VPS13D: variants seen among roughly 807,000 people sequenced by gnomAD.
The protein encoded by VPS13D is vacuolar protein sorting 13 homolog D, also known as intermembrane lipid transfer protein VPS13D.
In VPS13D, 187 loss-of-function variants were observed where a neutral mutation model predicts 461.9. That is an observed-to-expected ratio of 0.40 (90% CI 0.36 to 0.46). VPS13D has a LOEUF of 0.46. VPS13D is among the 20% of genes least tolerant of loss of function. The pLI, the probability that VPS13D is intolerant of heterozygous loss-of-function variation, is 0.60. For synonymous variants in VPS13D, 1,951 were observed against 1,986.3 expected (o/e 0.98, Z 0.47); for missense variants, 4,711 against 5,364.9 (o/e 0.88, Z 3.81).
chr1:12,475,412 C>T (rs904580931), intron 67 of VPS13D, among the ~76,000 whole-genome samples: 8 of 152,148 alleles, frequency 5.3e-5, no homozygotes, highest in African/African-American at 1.9e-4. Context: ...AGCTCCCTTC[C>T]TAGGGCTGGC....
chr1:12,416,897 T>C, intron 65 of VPS13D, 70 bp downstream of exon 65: 1 of 1,452,818 alleles, frequency 6.9e-7, no homozygotes, highest in South Asian at 1.5e-5. Context: ...CAATTTCTTT[T>C]ATAGTTAATG....
intron 27 of VPS13D, among the ~76,000 whole-genome samples, chr1:12,309,444 C>T (rs1216025686): frequency 4.6e-5 from 7 of 151,428 alleles, no homozygotes; most frequent in African/African-American, 1.5e-4. Context: ...CTCTTGACCT[C>T]GTGATCCACC....
chr1:12,421,251 C>G (rs949514625), intron 65 of VPS13D, among the ~76,000 whole-genome samples: 2 of 152,226 alleles, frequency 1.3e-5, no homozygotes, highest in African/African-American at 2.4e-5. Context: ...CAAGATGACT[C>G]TAGCCCTTAG....
intron 46 of VPS13D, among the ~76,000 whole-genome samples, chr1:12,353,667 A>C (rs1047258762): frequency 3.3e-5 from 5 of 152,052 alleles, no homozygotes; most frequent in Admixed American, 1.3e-4. Flanking sequence ...TGCCTGAATG[A>C]TGGAGGAGAA....
Position 12,291,049 on chromosome 1 carries a change from T to A in VPS13D, c.5777T>A (p.Leu1926His), listed in dbSNP as rs756089756. Reference protein sequence around the residue: ...GSIGSLSLSDLTCHGEFYRER... With the variant: ...GSIGSLSLSDHTCHGEFYRER... Reference sequence around the variant, plus strand: ...ATTGGGAGTCTGTCTCTAAGTGACCTCACATGCCATGGAGAGTTCTACAGA... The same window carrying A: ...ATTGGGAGTCTGTCTCTAAGTGACCACACATGCCATGGAGAGTTCTACAGA... The change falls in exon 23 of 70, where the codon CTC becomes CAC. Residue 1926 changes from leucine (L) to histidine (H), a missense_variant. Physicochemically the swap from Leu to His is moderately conservative, Grantham distance 99 (BLOSUM62 -3). This residue lies in a region of VPS13D where 4,411 missense variants were observed against 4,937.8 expected (regional missense o/e 0.89). Coordinates refer to ENST00000620676, the MANE Select transcript of VPS13D (RefSeq NM_015378.4). 6.2e-7 allele frequency: 1 copy of A among 1,613,970 alleles called. No individual in the cohort carries two copies. The highest frequency in any genetic ancestry group is 8.5e-7 in the Non-Finnish European group (1 of 1,179,992).
rs1454078260 is a variant in VPS13D, at chr1:12,507,778, C to T, written c.13035+685C>T. 9.2e-5 allele frequency among the ~76,000 whole-genome samples: 14 copies of T among 152,190 alleles called. No homozygotes were observed. Among genetic ancestry groups the T allele is most frequent in the Admixed American group, 7.2e-4 (11 of 15,288 alleles). ...ACCTTGAGGAGCCGGGGTTCAAATC[C>T]GAGTGGCTTGGCACCAGAGCTGGCT... is the stretch of plus-strand genomic sequence containing the variant. On this transcript the variant is annotated intron_variant, in intron 69 of 69. Coordinates refer to ENST00000620676, the MANE Select transcript of VPS13D (RefSeq NM_015378.4). The surrounding 1 kb of genome is among the most constrained non-coding windows in gnomAD (Gnocchi z 5.3).
intron 20 of VPS13D, among the ~76,000 whole-genome samples, chr1:12,281,997 C>T (rs1241573295): frequency 6.6e-6 from 1 of 151,922 alleles, no homozygotes; most frequent in African/African-American, 2.4e-5. Context: ...AAGCGGTCCT[C>T]CCACCTCTGC....
At chr1:12,456,417 C>A (rs1285155356) in intron 66 of VPS13D, among the ~76,000 whole-genome samples, 1 of 151,720 alleles carries the variant, frequency 6.6e-6, no homozygotes, top group Admixed American at 6.6e-5. Context: ...GCGGGTGGAT[C>A]ATTTGAGGTC....
intron 65 of VPS13D, 41 bp downstream of exon 65, chr1:12,416,868 C>T (rs747229656): frequency 2.8e-5 from 44 of 1,576,812 alleles, no homozygotes; most frequent in South Asian, 1.7e-4. Flanking sequence ...ATTAACCTCA[C>T]GAGTCCTCTA....
At chr1:12,251,347 G>A (rs1640725175) in intron 6 of VPS13D, among the ~76,000 whole-genome samples, 1 of 152,202 alleles carries the variant, frequency 6.6e-6, no homozygotes, top group Non-Finnish European at 1.5e-5. Flanking sequence ...TTCTGACAAA[G>A]CATCTCAAAC....
intron 67 of VPS13D, among the ~76,000 whole-genome samples, chr1:12,465,906 G>C (rs1283123890): frequency 1.3e-5 from 2 of 152,144 alleles, no homozygotes; most frequent in Non-Finnish European, 2.9e-5. Context: ...GGAGGCCGAG[G>C]TGGGCGGATC....
At position 12,279,431 on chromosome 1, in the gene VPS13D, C is replaced by T. The variant is rs1300789273; in HGVS notation, c.4451-68C>T. ...CATGGGCTGTATTTTGTATATTCTACGTTTAATCAGCAGTAATGAAGTAAA... is the reference window on the plus strand; with the variant it reads ...CATGGGCTGTATTTTGTATATTCTATGTTTAATCAGCAGTAATGAAGTAAA... On this transcript the variant is annotated intron_variant, in intron 19 of 69. Transcript: ENST00000620676. This position sits in a 1 kb window ranked among gnomAD's most constrained non-coding sequence, Gnocchi z 4.3. The T allele has an allele frequency of 1.8e-5, 27 of 1,474,814 alleles. No homozygotes were observed. Among genetic ancestry groups the T allele is most frequent in the African/African-American group, 4.2e-5 (3 of 72,134 alleles). The allele number at this position is 1,474,814 out of a possible 1,614,324, so 91.4% of individuals were successfully genotyped here.
intron 32 of VPS13D, 97 bp from the exon 33 acceptor site, chr1:12,321,712 C>T (rs1182781292): frequency 7.5e-6 from 10 of 1,334,072 alleles, no homozygotes; most frequent in Non-Finnish European, 1.0e-5. Context: ...TATGATAACA[C>T]ATGGCTGACT....
chr1:12,396,029 A>ATATT lies in VPS13D; in HGVS notation c.11635-4152_11635-4151insTATT, dbSNP rs1553187933. Among the ~76,000 whole-genome samples the ATATT allele has an allele frequency of 2.2e-3, 262 of 119,804 alleles. 27 individuals are homozygous for ATATT. Among genetic ancestry groups the ATATT allele is most frequent in the East Asian group, 0.011 (49 of 4,400 alleles). 78.6% of individuals were successfully genotyped at this position (119,804 alleles called of 152,430 possible). On this transcript the variant is annotated intron_variant, in intron 60 of 69. Coordinates refer to ENST00000620676, the MANE Select transcript of VPS13D (RefSeq NM_015378.4). ...TATATATATATATATATATATATAT[A>ATATT]GTTCTTTAAGATCAATAAAATTAAT...
intron 1 of VPS13D, among the ~76,000 whole-genome samples, chr1:12,231,124 C>T (rs1402589129): frequency 6.6e-6 from 1 of 152,248 alleles, no homozygotes; most frequent in African/African-American, 2.4e-5. Context: ...AAGGTCATGC[C>T]CGGCTGTCTG....
chr1:12,235,723 C>T (rs1292859628), intron 2 of VPS13D, among the ~76,000 whole-genome samples: 2 of 152,244 alleles, frequency 1.3e-5, no homozygotes, highest in East Asian at 1.9e-4. Context: ...TTCCTCTTGT[C>T]CTGAAACGGG....
intron 23 of VPS13D, among the ~76,000 whole-genome samples, 160 bp downstream of exon 23, chr1:12,291,284 T>G (rs1642125621): frequency 6.6e-6 from 1 of 152,198 alleles, no homozygotes; most frequent in Admixed American, 6.5e-5. Context: ...TGACTTTAAA[T>G]TTCATTAAAA....
chr1:12,503,138 A>T (rs888006342), intron 68 of VPS13D, among the ~76,000 whole-genome samples: 1 of 152,074 alleles, frequency 6.6e-6, no homozygotes, highest in African/African-American at 2.4e-5. Flanking sequence ...TTCATGGTTT[A>T]TGGATGACAT....
chr1:12,436,097 C>T (rs1645056830), intron 65 of VPS13D, among the ~76,000 whole-genome samples: 1 of 152,186 alleles, frequency 6.6e-6, no homozygotes, highest in Non-Finnish European at 1.5e-5. Flanking sequence ...GTGCTAGGCA[C>T]AGGGGACACA....
Sources: allele counts gnomAD v4.1 joint callset (sites outside exome capture counted in the v4.1 genomes callset), GRCh38; gene constraint gnomAD v4.1.1; regional missense constraint gnomAD v4.1.1; non-coding constraint Gnocchi (gnomAD v3.1); transcripts MANE v1.5; gene names NCBI Gene and HGNC (gene_info 2026-07-23, HGNC 2026-07-21).